MAP2: variants seen among roughly 807,000 people sequenced by gnomAD.
The protein encoded by MAP2 is microtubule-associated protein 2.
In MAP2, 14 loss-of-function variants were observed where a neutral mutation model predicts 137.6. The ratio of observed to expected loss-of-function variants is 0.10; its 90% CI spans 0.07 to 0.16. MAP2 has a LOEUF of 0.16. MAP2 is among the 10% of genes least tolerant of loss of function. The pLI is 1.00. For synonymous variants in MAP2, 786 were observed against 782.3 expected, an observed-to-expected ratio of 1.00 and a Z score of -0.08; for missense variants, 2,088 against 2,191.5, an observed-to-expected ratio of 0.95 and a Z score of 0.94.
At chr2:209,441,642 G>T (rs1697805931) in intron 1 of MAP2, among the ~76,000 whole-genome samples, 1 of 151,582 alleles carries the variant, frequency 6.6e-6, no homozygotes, top group African/African-American at 2.4e-5. Context: ...AGTAAGAAAA[G>T]GATTTAGGGA....
intron 2 of MAP2, among the ~76,000 whole-genome samples, chr2:209,515,827 C>G (rs2062409353): frequency 6.6e-6 from 1 of 152,096 alleles, no homozygotes; most frequent in Admixed American, 6.5e-5. Context: ...TATTCTGTCA[C>G]CCAGGCTAAA....
At chr2:209,649,255 A>T (rs931702813) in intron 4 of MAP2, among the ~76,000 whole-genome samples, 1 of 152,034 alleles carries the variant, frequency 6.6e-6, no homozygotes, top group African/African-American at 2.4e-5. Flanking sequence ...GGACTCAAGC[A>T]ATCCTCCCAC....
chr2:209,695,425 G>A lies in MAP2; in HGVS notation c.3255G>A (p.Pro1085=), dbSNP rs141758882. The part of the protein sequence containing the change: ...TQDMTPSSKA[P]QEADAFMGVE... The stretch of plus-strand genomic sequence containing the variant: ...ACATGACCCCCTCATCCAAAGCACC[G>A]CAGGAGGCAGATGCATTTATGGGTG... The change falls in exon 8 of 16, where the codon CCG becomes CCA. Residue 1085 remains proline, a synonymous_variant. Transcript: ENST00000682079. 55 of 1,613,362 alleles carry A rather than the reference G, an allele frequency of 3.4e-5. No individual in the cohort carries two copies. The East Asian group carries it at 7.1e-4, about 21-fold the overall frequency.
intron 2 of MAP2, among the ~76,000 whole-genome samples, chr2:209,528,265 C>A (rs909885320): frequency 7.2e-5 from 11 of 152,188 alleles, no homozygotes; most frequent in African/African-American, 2.6e-4. Flanking sequence ...AGCCACAGCT[C>A]TTCAGGACAA....
At chr2:209,718,318 CTATT>C (rs1224794378) in intron 13 of MAP2, among the ~76,000 whole-genome samples, 9 of 152,130 alleles carry the variant, frequency 5.9e-5, no homozygotes, top group Non-Finnish European at 1.3e-4. Context: ...ACTGAGCAGA[CTATT>C]TAACAATTAC....
In MAP2 at chr2:209,616,566, A is replaced by C. The variant is rs190388664; in HGVS notation, c.-106-8487A>C. Among the ~76,000 whole-genome samples, 4 of 152,302 alleles carry C rather than the reference A, an allele frequency of 2.6e-5. No individual in the cohort carries two copies. The East Asian group carries it at 7.7e-4, about 29-fold the overall frequency. ...TTATAACAGAGGAGCTCATCTACAC[A>C]AAGTTAACCAGTACTGAGCACACCT... On this transcript the variant is annotated intron_variant, in intron 3 of 15. Transcript: ENST00000682079.
At chr2:209,444,789 A>G (rs1698651487) in intron 1 of MAP2, among the ~76,000 whole-genome samples, 2 of 151,568 alleles carry the variant, frequency 1.3e-5, no homozygotes, top group African/African-American at 4.8e-5. Context: ...TTTGAAAGAC[A>G]CTTGGTTTCT....
intron 11 of MAP2, among the ~76,000 whole-genome samples, chr2:209,704,912 C>A (rs1466508792): frequency 1.3e-5 from 2 of 150,126 alleles, no homozygotes; most frequent in Non-Finnish European, 3.0e-5. Flanking sequence ...AAAATATATT[C>A]TATTATATAT....
intron 12 of MAP2, among the ~76,000 whole-genome samples, chr2:209,707,047 AAT>A (rs1179706407): frequency 6.6e-6 from 1 of 152,152 alleles, no homozygotes; most frequent in Non-Finnish European, 1.5e-5. Context: ...CTAGAGTTGA[AAT>A]TGAACATAAT....
chr2:209,426,355 C>T, intron 1 of MAP2, among the ~76,000 whole-genome samples: 1 of 151,976 alleles, frequency 6.6e-6, no homozygotes, highest in South Asian at 2.1e-4. Flanking sequence ...TTTTATTTAT[C>T]TCCTCTCTTA....
At chr2:209,712,041 A>C (rs1388392889) in intron 13 of MAP2, among the ~76,000 whole-genome samples, 1 of 152,110 alleles carries the variant, frequency 6.6e-6, no homozygotes, top group Non-Finnish European at 1.5e-5. Context: ...GTATTATTTT[A>C]AGTTGACATA....
chr2:209,700,422 T>G, intron 11 of MAP2, 84 bp downstream of exon 11: 1 of 1,102,778 alleles, frequency 9.1e-7, no homozygotes. Context: ...TTGATATTGT[T>G]TAGATATTTA....
chr2:209,458,699 C>T (rs1225213585), intron 1 of MAP2, among the ~76,000 whole-genome samples: 1 of 152,118 alleles, frequency 6.6e-6, no homozygotes, highest in East Asian at 1.9e-4. Context: ...ATGGGTAGAG[C>T]TCAGTATTTC....
intron 1 of MAP2, among the ~76,000 whole-genome samples, chr2:209,459,312 G>T (rs71420755): frequency 2.6e-5 from 4 of 152,080 alleles, no homozygotes; most frequent in Admixed American, 2.6e-4. Flanking sequence ...AGTGAGACAT[G>T]GAAAGCCCTA....
intron 2 of MAP2, among the ~76,000 whole-genome samples, chr2:209,562,107 C>T (rs2072251225): frequency 6.6e-6 from 1 of 152,126 alleles, no homozygotes; most frequent in South Asian, 2.1e-4. Flanking sequence ...CCCAAATTAA[C>T]AGTGCTGAAA....
intron 13 of MAP2, among the ~76,000 whole-genome samples, chr2:209,717,081 T>C (rs887583824): frequency 6.6e-6 from 1 of 152,160 alleles, no homozygotes; most frequent in Non-Finnish European, 1.5e-5. Context: ...AAATATATTC[T>C]TATAAAGTTT....
chr2:209,641,904 A>G (rs1168575502), intron 4 of MAP2, among the ~76,000 whole-genome samples: 2 of 152,150 alleles, frequency 1.3e-5, no homozygotes, highest in African/African-American at 4.8e-5. Context: ...GGTTGTTACC[A>G]ATCGAGCAGG....
chr2:209,664,405 C>G (rs1464205963), intron 5 of MAP2, among the ~76,000 whole-genome samples: 2 of 152,020 alleles, frequency 1.3e-5, no homozygotes, highest in Non-Finnish European at 2.9e-5. Flanking sequence ...CAAAAATTAG[C>G]TGGGCATGGT....
intron 1 of MAP2, among the ~76,000 whole-genome samples, chr2:209,424,575 G>C (rs755698527): frequency 2.6e-5 from 4 of 152,214 alleles, no homozygotes; most frequent in Non-Finnish European, 4.4e-5. Context: ...ACTTACGCCA[G>C]GTTAGAATAC....
Sources: gnomAD v4.1 joint callset for allele counts (sites outside exome capture counted in the v4.1 genomes callset) on GRCh38, gnomAD v4.1.1 for gene constraint, MANE v1.5 for transcripts, NCBI Gene and HGNC (gene_info 2026-07-23, HGNC 2026-07-21) for gene names.